Variants in ANKRD46 observed in about 807,000 individuals in gnomAD.
ANKRD46 encodes the protein ankyrin repeat domain 46, also known as ankyrin repeat domain-containing protein 46.
Under a neutral mutation model 19.8 loss-of-function variants are expected in ANKRD46, and 13 were observed. The observed-to-expected ratio is 0.66, with a 90% CI of 0.43 to 1.04. The LOEUF is 1.04. Ranked by LOEUF, ANKRD46 falls within the 50% of genes least tolerant of loss-of-function variation. ANKRD46 has a pLI of 0.00. For synonymous variants in ANKRD46, 91 were observed against 106.9 expected, an observed-to-expected ratio of 0.85 and a Z score of 0.92; for missense variants, 185 against 274.8, an observed-to-expected ratio of 0.67 and a Z score of 2.31.
rs993062327 is a variant in ANKRD46, at chr8:100,522,174, T to C, written c.*381A>G. ...CAAAACCACCAACAAAAACTAATCATATAAGATACTGTTTTTCTTTTTGAA... is the reference window on the plus strand; with the variant it reads ...CAAAACCACCAACAAAAACTAATCACATAAGATACTGTTTTTCTTTTTGAA... On this transcript the variant is annotated 3_prime_UTR_variant, in exon 5 of 5. Coordinates refer to ENST00000335659, the MANE Select transcript of ANKRD46 (RefSeq NM_001270377.2). 3.3e-5 allele frequency: 33 copies of C among 1,000,780 alleles called. No homozygotes were observed. Among genetic ancestry groups the C allele is most frequent in the Non-Finnish European group, 3.3e-5 (28 of 838,758 alleles). 62.0% of individuals were successfully genotyped at this position (1,000,780 alleles called of 1,614,324 possible).
At chr8:100,516,524 CAACTT>C (rs1811633233), downstream of ANKRD46, among the ~76,000 whole-genome samples, 3 of 152,088 alleles carry the variant, frequency 2.0e-5, no homozygotes, top group South Asian at 6.2e-4. Context: ...AATCTAAAAA[CAACTT>C]AAGTAGGCTA....
rs886347745 is a variant in ANKRD46, at chr8:100,543,036, G to A, written c.-130-9725C>T. Among the ~76,000 whole-genome samples, 3 of 152,156 alleles carry A rather than the reference G, an allele frequency of 2.0e-5. No homozygotes were observed. The highest frequency in any genetic ancestry group is 4.8e-5 in the African/African-American group (2 of 41,434). On this transcript the variant is annotated intron_variant, in intron 1 of 4. Transcript: ENST00000335659. The surrounding 1 kb of genome is among the most constrained non-coding windows in gnomAD (Gnocchi z 4.2). The stretch of plus-strand genomic sequence containing the variant: ...GCATTCTGGAGAATCTTTCAGAAAC[G>A]GGAAAAGAAGATGACAAGTTCCTAT...
intron 1 of ANKRD46, among the ~76,000 whole-genome samples, chr8:100,554,205 AATG>A (rs1242958607): frequency 6.6e-6 from 1 of 152,206 alleles, no homozygotes; most frequent in Non-Finnish European, 1.5e-5. Flanking sequence ...TTTCTCTAAT[AATG>A]TACTGGCAAG....
intron 1 of ANKRD46, chr8:100,551,764 C>T: frequency 2.0e-6 from 1 of 501,940 alleles, no homozygotes; most frequent in Non-Finnish European, 3.7e-6. Flanking sequence ...ACTGAGTGAC[C>T]TCAGCCAGCA....
intron 1 of ANKRD46, among the ~76,000 whole-genome samples, chr8:100,547,287 C>A (rs969540385): frequency 6.6e-6 from 1 of 152,050 alleles, no homozygotes; most frequent in African/African-American, 2.4e-5. Flanking sequence ...ATCATGGGGG[C>A]GGTTTTCCCC....
Position 100,529,963 on chromosome 8 carries a change from T to C in ANKRD46, c.-27-103A>G, listed in dbSNP as rs540248629. 16 of 781,910 alleles carry C rather than the reference T, an allele frequency of 2.0e-5. No homozygotes were observed. Among genetic ancestry groups the C allele is most frequent in the Admixed American group, 3.2e-5 (1 of 31,486 alleles). 48.4% of individuals were successfully genotyped at this position (781,910 alleles called of 1,614,324 possible). Reference sequence around the variant, plus strand: ...TTCTCATCCTTTTTGGCCTCCTGCCTCTAATAAATAAATGACCAAACAGAA... The same window carrying C: ...TTCTCATCCTTTTTGGCCTCCTGCCCCTAATAAATAAATGACCAAACAGAA... On this transcript the variant is annotated intron_variant, in intron 2 of 4. Coordinates refer to ENST00000335659, the MANE Select transcript of ANKRD46 (RefSeq NM_001270377.2). The surrounding 1 kb of genome is among the most constrained non-coding windows in gnomAD (Gnocchi z 5.8).
At chr8:100,523,412 T>A (rs1367867172) in intron 4 of ANKRD46, among the ~76,000 whole-genome samples, 1 of 149,394 alleles carries the variant, frequency 6.7e-6, no homozygotes, top group African/African-American at 2.5e-5. Flanking sequence ...GATCTCAGAC[T>A]TCTAGGCCCT....
chr8:100,518,826 T>C (rs1811675554), downstream of ANKRD46, among the ~76,000 whole-genome samples: 1 of 151,054 alleles, frequency 6.6e-6, no homozygotes, highest in South Asian at 2.1e-4. Flanking sequence ...CACTCCAGCC[T>C]GGGCGACAGA....
chr8:100,535,569 C>T (rs1450600252), intron 1 of ANKRD46, among the ~76,000 whole-genome samples: 1 of 152,196 alleles, frequency 6.6e-6, no homozygotes, highest in East Asian at 1.9e-4. Context: ...GCCAGTCTCT[C>T]CTTAACACCT....
intron 1 of ANKRD46, chr8:100,551,179 G>A: frequency 2.3e-6 from 1 of 439,992 alleles, no homozygotes; most frequent in Non-Finnish European, 4.3e-6. Flanking sequence ...AGGAGTGGCA[G>A]CATGGATTGT....
At chr8:100,517,953 G>A (rs544345743), downstream of ANKRD46, among the ~76,000 whole-genome samples, 3 of 152,334 alleles carry the variant, frequency 2.0e-5, no homozygotes, top group African/African-American at 4.8e-5. Context: ...CACTTTGGGA[G>A]GCCGAGGCAG....
intron 1 of ANKRD46, among the ~76,000 whole-genome samples, chr8:100,542,980 A>C (rs1055860233): frequency 6.6e-6 from 1 of 152,176 alleles, no homozygotes; most frequent in African/African-American, 2.4e-5. Context: ...GTAATCTGTG[A>C]GTTAGCTCAG....
chr8:100,558,508 G>T (rs1812547720), intron 1 of ANKRD46, among the ~76,000 whole-genome samples: 1 of 152,158 alleles, frequency 6.6e-6, no homozygotes, highest in Admixed American at 6.5e-5. Context: ...GAGAACCCCA[G>T]TCCAAGTTTA....
rs1283845635 is a variant in ANKRD46, at chr8:100,534,105, C to A, written c.-130-794G>T. Among the ~76,000 whole-genome samples the A allele has an allele frequency of 2.0e-5, 3 of 152,214 alleles. No homozygotes were observed. The highest frequency in any genetic ancestry group is 2.1e-4 in the South Asian group (1 of 4,832). The stretch of plus-strand genomic sequence containing the variant: ...TGCCTGCAATGTGCCAGATACCATG[C>A]TATCAAGTCCAAATCCCAAATTCCT... On this transcript the variant is annotated intron_variant, in intron 1 of 4. Coordinates refer to ENST00000335659, the MANE Select transcript of ANKRD46 (RefSeq NM_001270377.2). The surrounding 1 kb of genome is among the most constrained non-coding windows in gnomAD (Gnocchi z 4.2).
chr8:100,530,748 T>G (rs993301921), intron 2 of ANKRD46, among the ~76,000 whole-genome samples: 1 of 152,216 alleles, frequency 6.6e-6, no homozygotes, highest in Non-Finnish European at 1.5e-5. Flanking sequence ...AATCAGAGCA[T>G]GAAATCAATT....
rs1192461682 is a variant in ANKRD46 at position 100,521,822 on chromosome 8, A to G, written c.*733T>C. The G allele has an allele frequency of 7.1e-6, 7 of 985,202 alleles. No individual in the cohort carries two copies. The highest frequency in any genetic ancestry group is 8.4e-6 in the Non-Finnish European group (7 of 829,798). The allele number at this position is 985,202 out of a possible 1,614,324, so 61.0% of individuals were successfully genotyped here. A position where few individuals can be genotyped will look rare whatever the true frequency, so the allele number is the denominator to read the frequency against. The stretch of plus-strand genomic sequence containing the variant: ...TTCTGATGAACTGTTATCTTTGATG[A>G]CTAGGATACTCGGGAAAATTGGAAA... On this transcript the variant is annotated 3_prime_UTR_variant, in exon 5 of 5. Coordinates refer to ENST00000335659, the MANE Select transcript of ANKRD46 (RefSeq NM_001270377.2).
intron 1 of ANKRD46, among the ~76,000 whole-genome samples, chr8:100,539,176 T>C (rs956622341): frequency 5.9e-5 from 9 of 152,228 alleles, no homozygotes; most frequent in Non-Finnish European, 1.0e-4. Flanking sequence ...TAGGATGGAC[T>C]TAAGTTCCTT....
rs1055426969 is a variant in ANKRD46 at position 100,550,102 on chromosome 8, G to A, written c.-131+9609C>T. Among the ~76,000 whole-genome samples the A allele has an allele frequency of 1.1e-4, 17 of 152,100 alleles. No individual in the cohort carries two copies. Among genetic ancestry groups the A allele is most frequent in the African/African-American group, 3.9e-4 (16 of 41,398 alleles). ...ACATCTTGGTTGCTTCCATGTTCTG[G>A]CAATTATGAATAAGGCTGACATGAA... On this transcript the variant is annotated intron_variant, in intron 1 of 4. Transcript: ENST00000335659. This position sits in a 1 kb window ranked among gnomAD's most constrained non-coding sequence, Gnocchi z 4.4.
Position 100,510,485 on chromosome 8 carries a change from C to A in ANKRD46, c.*92G>T, listed in dbSNP as rs1892741. ...TGATGCTCCATGACACAAGTCGTGA[C>A]GGAAACAGCCCCACCCAACAGGGAC... is the stretch of plus-strand genomic sequence containing the variant. On this transcript the variant is annotated 3_prime_UTR_variant, in exon 6 of 6. Coordinates refer to the ANKRD46 transcript ENST00000520552. The surrounding 1 kb of genome is among the most constrained non-coding windows in gnomAD (Gnocchi z 4.9). 3 of 1,263,366 alleles carry A rather than the reference C, an allele frequency of 2.4e-6. No homozygotes were observed. The highest frequency in any genetic ancestry group is 4.6e-5 in the Admixed American group (2 of 43,504). 78.3% of individuals were successfully genotyped at this position (1,263,366 alleles called of 1,614,324 possible).
Sources: gnomAD v4.1 joint callset for allele counts (sites outside exome capture counted in the v4.1 genomes callset) on GRCh38, gnomAD v4.1.1 for gene constraint, Gnocchi (gnomAD v3.1) non-coding constraint, MANE v1.5 for transcripts, NCBI Gene and HGNC (gene_info 2026-07-23, HGNC 2026-07-21) for gene names.